Variants in UBXN8 observed in about 807,000 individuals in gnomAD.
UBXN8 encodes the protein UBX domain protein 8.
A neutral mutation model predicts 32.1 loss-of-function variants in UBXN8; 27 were observed. The ratio of observed to expected loss-of-function variants is 0.84; its 90% CI spans 0.62 to 1.16. The LOEUF (loss-of-function observed/expected upper bound fraction) is 1.16, where lower values mean the gene tolerates loss of function less well. Ranked by LOEUF, UBXN8 falls within the 50% of genes most tolerant of loss-of-function variation. The pLI is 0.00. For synonymous variants in UBXN8, 109 were observed against 111.8 expected (o/e 0.98, Z 0.16); for missense variants, 306 against 311.4 (o/e 0.98, Z 0.13).
intron 5 of UBXN8, among the ~76,000 whole-genome samples, chr8:30,759,913 C>T (rs1012675940): frequency 3.5e-4 from 53 of 150,900 alleles, no homozygotes; most frequent in African/African-American, 1.1e-3. Flanking sequence ...GCCAAGATCG[C>T]GCCACTGCAC....
intron 6 of UBXN8, among the ~76,000 whole-genome samples, chr8:30,762,735 G>A (rs1225111186): frequency 1.3e-5 from 2 of 151,932 alleles, no homozygotes; most frequent in Non-Finnish European, 2.9e-5. Context: ...GAGAGGGAGG[G>A]GTGCTGCTCT....
chr8:30,742,599 C>T (rs1023049323), upstream of UBXN8, among the ~76,000 whole-genome samples: 3 of 152,126 alleles, frequency 2.0e-5, no homozygotes, highest in Non-Finnish European at 4.4e-5. Context: ...CCTTCCGCCT[C>T]CCAAAGTGCT....
rs1445047715 is a variant in UBXN8, at chr8:30,758,899, T to G, written c.529-1989T>G. Among the ~76,000 whole-genome samples the G allele has an allele frequency of 2.9e-4, 39 of 134,808 alleles. 1 individual carries two copies. The highest frequency in any genetic ancestry group is 9.4e-4 in the African/African-American group (33 of 35,020). 88.4% of individuals were successfully genotyped at this position (134,808 alleles called of 152,430 possible). A position where few individuals can be genotyped will look rare whatever the true frequency, so the allele number is the denominator to read the frequency against. On this transcript the variant is annotated intron_variant, in intron 5 of 7. Transcript: ENST00000265616. ...TTTTTTTGTTTGTTTTTTTTGTTTT[T>G]TTTTTTTTTTTTGAGACGGAGTCTC...
At chr8:30,760,418 A>ATC (rs1233936655) in intron 5 of UBXN8, among the ~76,000 whole-genome samples, 1 of 75,368 alleles carries the variant, frequency 1.3e-5, no homozygotes, top group Non-Finnish European at 2.8e-5. Context: ...TGCATACACA[A>ATC]TCATATATAT....
At position 30,732,661 on chromosome 8, in the gene UBXN8, C is replaced by T. The variant is rs561992915; in HGVS notation, c.-26C>T. The T allele has an allele frequency of 2.0e-4, 34 of 173,818 alleles. No homozygotes were observed. In the East Asian group the frequency reaches 2.4e-3, roughly 12 times the overall value. 10.8% of individuals were successfully genotyped at this position (173,818 alleles called of 1,614,324 possible). A position where few individuals can be genotyped will look rare whatever the true frequency, so the allele number is the denominator to read the frequency against. On this transcript the variant is annotated 5_prime_UTR_variant, in exon 1 of 2. Coordinates refer to the UBXN8 transcript ENST00000522968. The stretch of plus-strand genomic sequence containing the variant: ...TGTCAGCCCCAGCCCTGGGGCTACC[C>T]GATCTGACAAAGCCTTTTACATTGT...
At chr8:30,732,226 G>T (rs867108340), upstream of UBXN8, 3 of 385,080 alleles carry the variant, frequency 7.8e-6, no homozygotes, top group Non-Finnish European at 1.4e-5. Context: ...CCTAGGCTGC[G>T]TGTTGCTCCA....
At chr8:30,758,353 T>C (rs1805719310) in intron 5 of UBXN8, among the ~76,000 whole-genome samples, 1 of 152,232 alleles carries the variant, frequency 6.6e-6, no homozygotes, top group South Asian at 2.1e-4. Flanking sequence ...TTTTCCTTAC[T>C]GGCCCTTCTA....
chr8:30,757,190 C>G (rs1490374744), intron 5 of UBXN8, among the ~76,000 whole-genome samples: 1 of 148,426 alleles, frequency 6.7e-6, no homozygotes, highest in Non-Finnish European at 1.5e-5. Context: ...TTTCCCTGTT[C>G]AATATTAATG....
rs1156797122 is a variant in UBXN8, at chr8:30,760,438, TA to T, written c.529-449del. ...ACACAATCATATATATATATATATA[TA>T]TATATTTTTTTTTTTTTTTAAAGTG... On this transcript the variant is annotated intron_variant, in intron 5 of 7. Transcript: ENST00000265616. Among the ~76,000 whole-genome samples, 69 of 47,906 alleles carry T rather than the reference TA, an allele frequency of 1.4e-3. 1 individual carries two copies. The highest frequency in any genetic ancestry group is 5.4e-3 in the African/African-American group (63 of 11,676). The allele number at this position is 47,906 out of a possible 152,430, so 31.4% of individuals were successfully genotyped here.
At chr8:30,747,894 CTTTTTTT>C (rs67334347) in intron 1 of UBXN8, among the ~76,000 whole-genome samples, 1,309 of 35,688 alleles carry the variant, frequency 0.037, 94 homozygotes, top group African/African-American at 0.12. Flanking sequence ...TATATTTTTT[CTTTTTTT>C]TTTTTTTTTT....
intron 1 of UBXN8, among the ~76,000 whole-genome samples, chr8:30,748,837 G>A (rs890739160): frequency 6.6e-6 from 1 of 152,012 alleles, no homozygotes; most frequent in Non-Finnish European, 1.5e-5. Context: ...CATCTCGCCC[G>A]GCCTATATAT....
At chr8:30,757,630 G>A (rs1805697968) in intron 5 of UBXN8, among the ~76,000 whole-genome samples, 1 of 150,480 alleles carries the variant, frequency 6.6e-6, no homozygotes, top group South Asian at 2.1e-4. Context: ...GGAGGCCGAG[G>A]TGGGTGGATC....
At chr8:30,754,811 A>G in intron 4 of UBXN8, 24 bp downstream of exon 4, 5 of 1,556,668 alleles carry the variant, frequency 3.2e-6, no homozygotes, top group Non-Finnish European at 3.4e-6. Context: ...CTCATTTTAT[A>G]TTTTGAATCC....
intron 1 of UBXN8, 177 bp downstream of exon 1, chr8:30,744,454 C>T: frequency 3.1e-6 from 2 of 645,270 alleles, no homozygotes; most frequent in Non-Finnish European, 5.5e-6. Context: ...GAACCTTTTC[C>T]CTCCAGGTGT....
rs751044137 is a variant in UBXN8 at position 30,766,274 on chromosome 8, C to T, written c.693C>T (p.Tyr231=). 6 of 1,613,776 alleles carry T rather than the reference C, an allele frequency of 3.7e-6. No homozygotes were observed. In the Admixed American group the frequency reaches 5.0e-5, roughly 13 times the overall value. The change falls in exon 8 of 8, where the codon TAC becomes TAT. Residue 231 remains tyrosine, a synonymous_variant. Coordinates refer to ENST00000265616, the MANE Select transcript of UBXN8 (RefSeq NM_005671.4). The part of the protein sequence containing the change: ...MTRIGYHISL[Y]SLSTSFPRRP... ...GAATTGGGTACCACATATCTCTATA[C>T]AGCCTTTCTACTTCCTTTCCCAGAC...
At chr8:30,754,365 G>T in intron 3 of UBXN8, 1 of 456,522 alleles carries the variant, frequency 2.2e-6, no homozygotes, top group South Asian at 1.8e-5. Flanking sequence ...CATTCAATTT[G>T]AATCAGGATA....
intron 6 of UBXN8, among the ~76,000 whole-genome samples, chr8:30,762,633 T>G (rs1805865903): frequency 6.6e-6 from 1 of 152,102 alleles, no homozygotes; most frequent in South Asian, 2.1e-4. Context: ...CCTCAAGTGA[T>G]CCGCCCACCT....
intron 6 of UBXN8, among the ~76,000 whole-genome samples, chr8:30,762,693 T>C (rs1176615871): frequency 6.6e-6 from 1 of 151,788 alleles, no homozygotes; most frequent in Non-Finnish European, 1.5e-5. Context: ...GCACCTGGCC[T>C]GATTGGAAAT....
intron 5 of UBXN8, among the ~76,000 whole-genome samples, chr8:30,759,435 A>G (rs1805765098): frequency 6.8e-6 from 1 of 148,122 alleles, no homozygotes; most frequent in Admixed American, 6.8e-5. Flanking sequence ...GGGTATCACC[A>G]TGTTGGCCAG....
Sources: gnomAD v4.1 joint callset for allele counts (sites outside exome capture counted in the v4.1 genomes callset) on GRCh38, gnomAD v4.1.1 for gene constraint, MANE v1.5 for transcripts, NCBI Gene and HGNC (gene_info 2026-07-23, HGNC 2026-07-21) for gene names.